VTI1A: variants seen among roughly 807,000 people sequenced by gnomAD.
VTI1A encodes the protein vesicle transport through interaction with t-SNAREs homolog 1A.
A neutral mutation model predicts 34.9 loss-of-function variants in VTI1A; 22 were observed. That is an observed-to-expected ratio of 0.63 (90% confidence interval 0.45 to 0.90). The LOEUF is 0.90. Ranked by LOEUF, VTI1A falls within the 40% of genes least tolerant of loss-of-function variation. The pLI is 0.00. For synonymous variants in VTI1A, 87 were observed against 97.3 expected (o/e 0.89, Z 0.62); for missense variants, 268 against 275.6 (o/e 0.97, Z 0.20).
At chr10:112,523,963 C>T (rs1452308013) in intron 3 of VTI1A, among the ~76,000 whole-genome samples, 1 of 151,820 alleles carries the variant, frequency 6.6e-6, no homozygotes, top group Non-Finnish European at 1.5e-5. Flanking sequence ...ACAGTAAATG[C>T]TTCAGTTTTA....
intron 3 of VTI1A, among the ~76,000 whole-genome samples, chr10:112,513,627 A>G (rs778334569): frequency 1.3e-5 from 2 of 151,988 alleles, no homozygotes; most frequent in Non-Finnish European, 2.9e-5. Context: ...TCTTAAAGGA[A>G]GAGCATTTAA....
intron 5 of VTI1A, among the ~76,000 whole-genome samples, chr10:112,657,052 G>A (rs1359050353): frequency 6.6e-6 from 1 of 152,078 alleles, no homozygotes; most frequent in Non-Finnish European, 1.5e-5. Context: ...CGTCATGACT[G>A]AAAGCTCCCT....
At chr10:112,651,871 T>G (rs1322588889) in intron 5 of VTI1A, among the ~76,000 whole-genome samples, 1 of 152,138 alleles carries the variant, frequency 6.6e-6, no homozygotes, top group Non-Finnish European at 1.5e-5. Flanking sequence ...AAGGAAAAGT[T>G]TTAGCCAAAA....
intron 3 of VTI1A, among the ~76,000 whole-genome samples, chr10:112,472,284 G>C (rs1236000459): frequency 4.6e-5 from 7 of 152,158 alleles, no homozygotes; most frequent in African/African-American, 1.7e-4. Flanking sequence ...GTGATTGTTA[G>C]ACCAGCTCCT....
At chr10:112,597,570 A>G (rs993730817) in intron 5 of VTI1A, among the ~76,000 whole-genome samples, 7 of 150,958 alleles carry the variant, frequency 4.6e-5, no homozygotes, top group Non-Finnish European at 8.9e-5. Context: ...AGCCAGGTAC[A>G]GTGGTACATG....
In VTI1A at chr10:112,580,162, C is replaced by T. The variant is rs142162447; in HGVS notation, c.427+41832C>T. Among the ~76,000 whole-genome samples, 493 of 152,180 alleles carry T rather than the reference C, an allele frequency of 3.2e-3. 1 individual carries two copies. The highest frequency in any genetic ancestry group is 0.011 in the African/African-American group (468 of 41,516). ...GGAACCTCATTGATCATTTCAGGAC[C>T]TGGAAGATGTACAAAGGGATGGAAT... On this transcript the variant is annotated intron_variant, in intron 5 of 7. Transcript: ENST00000393077.
At chr10:112,667,754 G>A (rs1289346322) in intron 5 of VTI1A, among the ~76,000 whole-genome samples, 1 of 152,116 alleles carries the variant, frequency 6.6e-6, no homozygotes, top group Admixed American at 6.6e-5. Context: ...GAGCATATGA[G>A]GATTACTTAT....
chr10:112,447,457 A>G lies in VTI1A; in HGVS notation c.84A>G (p.Arg28=). ...CCAGCAAGATTGCGAGGGTCCCACG[A>G]CTCCCGCCTGGTGAGAGCCTTGCCC... The part of the protein sequence containing the change: ...EITSKIARVP[R]LPPDEKKQMV... Residue 28 remains arginine, a synonymous_variant, in exon 1 of 8, where the codon CGA becomes CGG. Transcript: ENST00000393077. 6.2e-7 allele frequency: 1 copy of G among 1,612,536 alleles called. No homozygotes were observed. Among genetic ancestry groups the G allele is most frequent in the African/African-American group, 1.3e-5 (1 of 74,722 alleles).
intron 7 of VTI1A, among the ~76,000 whole-genome samples, chr10:112,732,474 G>A (rs1448215297): frequency 6.6e-6 from 1 of 152,124 alleles, no homozygotes; most frequent in African/African-American, 2.4e-5. Context: ...AATGGACAAG[G>A]GTTTAATTAC....
intron 5 of VTI1A, among the ~76,000 whole-genome samples, chr10:112,649,125 G>T (rs576147320): frequency 5.1e-4 from 78 of 152,142 alleles, no homozygotes; most frequent in Non-Finnish European, 8.1e-4. Context: ...CAGAACAGGA[G>T]TGCACTGGGG....
chr10:112,597,445 C>T lies in VTI1A; in HGVS notation c.427+59115C>T, dbSNP rs554980178. ...GTTGGTCAGGCTGGTCTCGAACTCC[C>T]GACCGCAGGTGATCTGCCTGCCTCA... On this transcript the variant is annotated intron_variant, in intron 5 of 7. Transcript: ENST00000393077. Among the ~76,000 whole-genome samples the T allele has an allele frequency of 4.6e-5, 7 of 152,124 alleles. No individual in the cohort carries two copies. In the South Asian group the frequency reaches 6.2e-4, roughly 14 times the overall value.
At chr10:112,495,271 T>C (rs1351241110) in intron 3 of VTI1A, among the ~76,000 whole-genome samples, 3 of 146,328 alleles carry the variant, frequency 2.1e-5, no homozygotes, top group African/African-American at 7.6e-5. Flanking sequence ...CTTTCAAGCA[T>C]ATAGAAAAGT....
chr10:112,572,931 TAATC>T (rs1427252840), intron 5 of VTI1A, among the ~76,000 whole-genome samples: 6 of 152,076 alleles, frequency 3.9e-5, no homozygotes, highest in Non-Finnish European at 8.8e-5. Context: ...TCTCACTAAT[TAATC>T]AAATAAATTA....
At position 112,527,155 on chromosome 10, in the gene VTI1A, A is replaced by T; in HGVS notation, c.333A>T (p.Ser111=). The change falls in exon 4 of 8, where the codon TCA becomes TCT. Residue 111 remains serine (S), a synonymous_variant. Coordinates refer to ENST00000393077, the MANE Select transcript of VTI1A (RefSeq NM_145206.4). The part of the protein sequence containing the change: ...NELLGDDGNS[S]ENQRAHLLDN... ...TCCTGGGGGATGATGGGAATTCCTC[A>T]GAGAACCAGGTAGAATGCTAATCAG... 4.3e-6 allele frequency: 7 copies of T among 1,613,486 alleles called. No individual in the cohort carries two copies. The highest frequency in any genetic ancestry group is 5.1e-6 in the Non-Finnish European group (6 of 1,179,650).
At chr10:112,709,174 A>G (rs1849310970) in intron 7 of VTI1A, among the ~76,000 whole-genome samples, 1 of 151,836 alleles carries the variant, frequency 6.6e-6, no homozygotes. Flanking sequence ...CCTTCATTTC[A>G]TTTCAGTCAC....
At chr10:112,718,525 G>C (rs1158271956) in intron 7 of VTI1A, among the ~76,000 whole-genome samples, 1 of 152,166 alleles carries the variant, frequency 6.6e-6, no homozygotes, top group Non-Finnish European at 1.5e-5. Context: ...CACATATGTA[G>C]AAAACAGAAG....
rs1310128347 is a variant in VTI1A, at chr10:112,545,986, G to GCA, written c.427+7656_427+7657insCA. ...TATACGTGTATACACGTATGTGTGT[G>GCA]TATATACGTGTATACGCGTATGTGT... is the stretch of plus-strand genomic sequence containing the variant. On this transcript the variant is annotated intron_variant, in intron 5 of 7. Coordinates refer to ENST00000393077, the MANE Select transcript of VTI1A (RefSeq NM_145206.4). 1.9e-3 allele frequency among the ~76,000 whole-genome samples: 278 copies of GCA among 143,238 alleles called. 9 individuals carry two copies. The highest frequency in any genetic ancestry group is 3.0e-3 in the Non-Finnish European group (199 of 67,146). The allele number at this position is 143,238 out of a possible 152,430, so 94.0% of individuals were successfully genotyped here. A position where few individuals can be genotyped will look rare whatever the true frequency, so the allele number is the denominator to read the frequency against.
chr10:112,600,045 T>C (rs984708273), intron 5 of VTI1A, among the ~76,000 whole-genome samples: 2 of 152,204 alleles, frequency 1.3e-5, no homozygotes, highest in Non-Finnish European at 2.9e-5. Flanking sequence ...TTCAGAACCA[T>C]ATCTGCAGGC....
chr10:112,835,804 T>TA, the VTI1A span, among the ~76,000 whole-genome samples: 1 of 151,976 alleles, frequency 6.6e-6, no homozygotes, highest in Admixed American at 6.6e-5. Context: ...AAAACCTCAT[T>TA]AAAAAAAGAA....
Sources: gnomAD v4.1 joint callset for allele counts (sites outside exome capture counted in the v4.1 genomes callset) on GRCh38, gnomAD v4.1.1 for gene constraint, MANE v1.5 for transcripts, NCBI Gene and HGNC (gene_info 2026-07-23, HGNC 2026-07-21) for gene names.